The following GRID1 variants were observed in gnomAD, a reference collection of about 807,000 sequenced individuals.
GRID1 encodes the protein glutamate ionotropic receptor delta type subunit 1.
A neutral mutation model predicts 98.0 loss-of-function variants in GRID1; 28 were observed. The observed-to-expected ratio is 0.29, with a 90% confidence interval of 0.21 to 0.39. The LOEUF (loss-of-function observed/expected upper bound fraction) is 0.39. GRID1 is among the 10% of genes least tolerant of loss of function. GRID1 has a pLI of 1.00. For missense variants in GRID1, 1,111 were observed against 1,340.5 expected (o/e 0.83, Z 2.67); for synonymous variants, 553 against 538.5 (o/e 1.03, Z -0.37).
chr10:86,215,592 C>A (rs900289460), intron 2 of GRID1, among the ~76,000 whole-genome samples: 1 of 152,112 alleles, frequency 6.6e-6, no homozygotes, highest in African/African-American at 2.4e-5. Flanking sequence ...GGCATGCCTG[C>A]AGGGAGCGTC....
At chr10:85,977,059 C>G (rs572111345) in intron 4 of GRID1, among the ~76,000 whole-genome samples, 6 of 152,340 alleles carry the variant, frequency 3.9e-5, no homozygotes, top group African/African-American at 1.2e-4. Flanking sequence ...CCCATGAAAC[C>G]TGTGTAGGAG....
At chr10:85,858,591 GT>G (rs1421654182) in intron 6 of GRID1, among the ~76,000 whole-genome samples, 1 of 152,192 alleles carries the variant, frequency 6.6e-6, no homozygotes, top group Non-Finnish European at 1.5e-5. Flanking sequence ...TGATGGAGAT[GT>G]TGTTATAAGG....
intron 2 of GRID1, among the ~76,000 whole-genome samples, chr10:86,262,228 G>C (rs1244961804): frequency 6.6e-6 from 1 of 152,242 alleles, no homozygotes; most frequent in African/African-American, 2.4e-5. Flanking sequence ...CTGAGCCCAG[G>C]AAGCCAGGCA....
chr10:86,162,364 G>A (rs910734005), intron 3 of GRID1, among the ~76,000 whole-genome samples: 5 of 151,992 alleles, frequency 3.3e-5, no homozygotes, highest in African/African-American at 1.2e-4. Flanking sequence ...CCCATGCAGG[G>A]AACAGGAAGA....
chr10:86,310,741 C>T (rs574796693), intron 2 of GRID1, among the ~76,000 whole-genome samples: 1 of 152,344 alleles, frequency 6.6e-6, no homozygotes, highest in Non-Finnish European at 1.5e-5. Context: ...AGAGACTCCA[C>T]ATCTGCTGGA....
intron 2 of GRID1, among the ~76,000 whole-genome samples, chr10:86,345,435 C>G (rs1164512510): frequency 6.6e-6 from 1 of 152,194 alleles, no homozygotes; most frequent in Non-Finnish European, 1.5e-5. Flanking sequence ...GCCTAGCAGC[C>G]TGGTCCTCCT....
At chr10:86,232,944 T>C (rs947245647) in intron 2 of GRID1, among the ~76,000 whole-genome samples, 2 of 152,118 alleles carry the variant, frequency 1.3e-5, no homozygotes, top group Non-Finnish European at 2.9e-5. Flanking sequence ...GCTCCTCTAA[T>C]AAAAAAATCA....
chr10:86,195,623 T>C lies in GRID1; in HGVS notation c.520+10741A>G, dbSNP rs551599519. On this transcript the variant is annotated intron_variant, in intron 3 of 15. Transcript: ENST00000327946. This position sits in a 1 kb window ranked among gnomAD's most constrained non-coding sequence, Gnocchi z 4.4. Reference sequence around the variant, plus strand: ...TGCAGCCTCCTACCCTGGCTGGGGGTTGGCAGCAAACAAGCCCCCGCGGCG... The same window carrying C: ...TGCAGCCTCCTACCCTGGCTGGGGGCTGGCAGCAAACAAGCCCCCGCGGCG... 8.6e-4 allele frequency among the ~76,000 whole-genome samples: 131 copies of C among 152,136 alleles called. No homozygotes were observed. Among genetic ancestry groups the C allele is most frequent in the Middle Eastern group, 3.4e-3 (1 of 294 alleles).
intron 3 of GRID1, among the ~76,000 whole-genome samples, chr10:86,158,425 A>C (rs1436162425): frequency 2.0e-5 from 3 of 152,340 alleles, no homozygotes; most frequent in South Asian, 2.1e-4. Flanking sequence ...TCACCTACTA[A>C]GCCACTGGAA....
At chr10:86,334,677 G>A (rs565994292) in intron 2 of GRID1, among the ~76,000 whole-genome samples, 5 of 152,308 alleles carry the variant, frequency 3.3e-5, no homozygotes, top group South Asian at 2.1e-4. Flanking sequence ...GGGACATAGG[G>A]GAGAAAAATG....
chr10:86,005,275 C>A (rs1589333097), intron 4 of GRID1, among the ~76,000 whole-genome samples: 1 of 151,964 alleles, frequency 6.6e-6, no homozygotes, highest in African/African-American at 2.4e-5. Flanking sequence ...TGTGTGATAC[C>A]CCCTCCCCCA....
At chr10:86,285,772 G>A (rs1307971878) in intron 2 of GRID1, among the ~76,000 whole-genome samples, 1 of 152,158 alleles carries the variant, frequency 6.6e-6, no homozygotes, top group East Asian at 1.9e-4. Context: ...GCATAGATTC[G>A]ATATATGGTA....
intron 2 of GRID1, among the ~76,000 whole-genome samples, chr10:86,296,692 T>C (rs1847595616): frequency 6.6e-6 from 1 of 152,092 alleles, no homozygotes; most frequent in Non-Finnish European, 1.5e-5. Context: ...CGAATCAAGA[T>C]TGCACCATTG....
rs74235890 is a variant in GRID1, at chr10:86,043,123, C to G, written c.726+95696G>C. On this transcript the variant is annotated intron_variant, in intron 4 of 15. Coordinates refer to ENST00000327946, the MANE Select transcript of GRID1 (RefSeq NM_017551.3). ...AGAAAGTGTCTATTTTATTAGACAT[C>G]AGAGAGTGGAGTTACATACCTTCGT... is the stretch of plus-strand genomic sequence containing the variant. Among the ~76,000 whole-genome samples, 550 of 152,224 alleles carry G rather than the reference C, an allele frequency of 3.6e-3. 21 individuals carry two copies. In the East Asian group the frequency reaches 0.095, roughly 26 times the overall value.
chr10:85,767,107 G>A (rs182511541), intron 8 of GRID1, among the ~76,000 whole-genome samples: 17 of 152,306 alleles, frequency 1.1e-4, no homozygotes, highest in Non-Finnish European at 2.2e-4. Context: ...ATTTGGCAGA[G>A]TTATTCCCAG....
chr10:85,720,030 A>G (rs899943024), intron 12 of GRID1, among the ~76,000 whole-genome samples: 3 of 150,860 alleles, frequency 2.0e-5, no homozygotes, highest in Non-Finnish European at 4.4e-5. Flanking sequence ...TTATTTGTCA[A>G]TAATACCTCA....
chr10:85,765,155 C>A (rs943105282), intron 8 of GRID1, among the ~76,000 whole-genome samples: 2 of 152,174 alleles, frequency 1.3e-5, no homozygotes, highest in African/African-American at 4.8e-5. Flanking sequence ...GAAACTGAGG[C>A]TCATAGAAGT....
rs574023751 is a variant in GRID1 at position 86,274,683 on chromosome 10, G to T, written c.236-68035C>A. Among the ~76,000 whole-genome samples the T allele has an allele frequency of 3.8e-4, 57 of 151,648 alleles. 1 individual carries two copies. The highest frequency in any genetic ancestry group is 2.4e-3 in the Admixed American group (37 of 15,226). On this transcript the variant is annotated intron_variant, in intron 2 of 15. Coordinates refer to ENST00000327946, the MANE Select transcript of GRID1 (RefSeq NM_017551.3). ...ATTCTCTTTGAAGCAATTGTGAATG[G>T]GAGTTCACTCATGATTTGGCTCTCT...
chr10:85,628,076 T>G (rs1212581723), intron 13 of GRID1, among the ~76,000 whole-genome samples: 1 of 151,836 alleles, frequency 6.6e-6, no homozygotes, highest in Non-Finnish European at 1.5e-5. Context: ...GGGAGATGTG[T>G]GTGTATAGAT....
Sources: allele counts gnomAD v4.1 joint callset (sites outside exome capture counted in the v4.1 genomes callset), GRCh38; gene constraint gnomAD v4.1.1; non-coding constraint Gnocchi (gnomAD v3.1); transcripts MANE v1.5; gene names NCBI Gene and HGNC (gene_info 2026-07-23, HGNC 2026-07-21).